ATRNL1: variants seen among roughly 807,000 people sequenced by gnomAD.
The protein encoded by ATRNL1 is attractin-like protein 1.
Under a neutral mutation model 182.7 loss-of-function variants are expected in ATRNL1, and 95 were observed. That is an observed-to-expected ratio of 0.52 (90% CI 0.44 to 0.62). ATRNL1 has a LOEUF of 0.62. ATRNL1 is among the 20% of genes least tolerant of loss of function. The pLI, the probability that ATRNL1 is intolerant of heterozygous loss-of-function variation, is 0.00. For missense variants in ATRNL1, 1,471 were observed against 1,679.5 expected, an observed-to-expected ratio of 0.88 and a Z score of 2.17; for synonymous variants, 576 against 568.3, an observed-to-expected ratio of 1.01 and a Z score of -0.19.
chr10:115,253,000 T>C (rs1850946623), intron 10 of ATRNL1, among the ~76,000 whole-genome samples: 1 of 152,218 alleles, frequency 6.6e-6, no homozygotes, highest in Admixed American at 6.5e-5. Flanking sequence ...TTTTCATTGC[T>C]AGCCTGGCAA....
intron 24 of ATRNL1, among the ~76,000 whole-genome samples, chr10:115,489,667 T>G (rs540125301): frequency 7.9e-5 from 12 of 152,330 alleles, no homozygotes; most frequent in African/African-American, 2.9e-4. Context: ...TGATGGGTCT[T>G]GACTCTATCC....
chr10:115,307,450 C>G (rs782576571), intron 17 of ATRNL1, among the ~76,000 whole-genome samples: 1 of 151,940 alleles, frequency 6.6e-6, no homozygotes, highest in South Asian at 2.1e-4. Context: ...TTAGTAGAGA[C>G]GGGGTTTCAC....
At chr10:115,330,114 T>C (rs532947026) in intron 18 of ATRNL1, among the ~76,000 whole-genome samples, 66 of 152,252 alleles carry the variant, frequency 4.3e-4, no homozygotes, top group African/African-American at 1.3e-3. Flanking sequence ...CTATTTTGAA[T>C]TGATAAGTTA....
At chr10:115,113,647 G>C (rs1320034850) in intron 1 of ATRNL1, among the ~76,000 whole-genome samples, 1 of 152,134 alleles carries the variant, frequency 6.6e-6, no homozygotes, top group Non-Finnish European at 1.5e-5. Context: ...GACATGACTT[G>C]CTCCTCCTTG....
At chr10:115,467,619 T>G (rs1848115301) in intron 23 of ATRNL1, among the ~76,000 whole-genome samples, 1 of 150,738 alleles carries the variant, frequency 6.6e-6, no homozygotes. Context: ...AACCTTAATA[T>G]TTATATAAAA....
At chr10:115,907,740 T>A (rs564285974) in intron 28 of ATRNL1, among the ~76,000 whole-genome samples, 76 of 151,926 alleles carry the variant, frequency 5.0e-4, no homozygotes, top group Middle Eastern at 6.8e-3. Flanking sequence ...TATAAAAAAA[T>A]TTTAAAATAT....
At chr10:115,706,468 G>C (rs1555053079) in intron 26 of ATRNL1, among the ~76,000 whole-genome samples, 2 of 151,776 alleles carry the variant, frequency 1.3e-5, no homozygotes, top group Non-Finnish European at 2.9e-5. Flanking sequence ...ATTAGGACCT[G>C]GAGATTTTTT....
intron 28 of ATRNL1, among the ~76,000 whole-genome samples, chr10:115,932,265 AGAGAATGT>A (rs1357230124): frequency 6.6e-6 from 1 of 152,226 alleles, no homozygotes; most frequent in Non-Finnish European, 1.5e-5. Context: ...GAATTACTGG[AGAGAATGT>A]GTACTATCAG....
At chr10:115,520,796 C>G (rs909267854) in intron 25 of ATRNL1, among the ~76,000 whole-genome samples, 2 of 152,108 alleles carry the variant, frequency 1.3e-5, no homozygotes, top group African/African-American at 4.8e-5. Flanking sequence ...TTACACATTC[C>G]TTGTTCATTT....
chr10:115,880,890 A>G (rs1157144477), intron 28 of ATRNL1, among the ~76,000 whole-genome samples: 2 of 152,232 alleles, frequency 1.3e-5, no homozygotes, highest in Non-Finnish European at 2.9e-5. Context: ...GGTAATCATA[A>G]GAGTTGTTTT....
intron 22 of ATRNL1, among the ~76,000 whole-genome samples, chr10:115,462,994 C>T (rs781795868): frequency 1.3e-4 from 19 of 151,736 alleles, no homozygotes; most frequent in Non-Finnish European, 2.7e-4. Context: ...TTAAAACTAA[C>T]ACTCATACAT....
At chr10:115,701,245 T>G (rs1946726237) in intron 26 of ATRNL1, among the ~76,000 whole-genome samples, 1 of 151,974 alleles carries the variant, frequency 6.6e-6, no homozygotes, top group Non-Finnish European at 1.5e-5. Flanking sequence ...AATCAAAAAA[T>G]TATTGGAAAT....
intron 27 of ATRNL1, among the ~76,000 whole-genome samples, chr10:115,759,434 T>G (rs868925284): frequency 6.6e-6 from 1 of 152,104 alleles, no homozygotes; most frequent in Middle Eastern, 3.2e-3. Context: ...ACACACTTGC[T>G]CCATTTGTGA....
At chr10:115,108,059 G>A (rs1844095091) in intron 1 of ATRNL1, among the ~76,000 whole-genome samples, 1 of 152,116 alleles carries the variant, frequency 6.6e-6, no homozygotes, top group Non-Finnish European at 1.5e-5. Context: ...CCTTATGCAA[G>A]GGTTCCTTGG....
At chr10:115,315,455 G>A (rs1048163786) in intron 17 of ATRNL1, 63 bp from the exon 18 acceptor site, 1 of 1,114,376 alleles carries the variant, frequency 9.0e-7, no homozygotes, top group Non-Finnish European at 1.3e-6. Flanking sequence ...TTTTTTATTA[G>A]CCTATAATTC....
intron 7 of ATRNL1, 85 bp from the exon 8 acceptor site, chr10:115,170,952 A>T (rs1380296382): frequency 3.6e-6 from 3 of 826,972 alleles, no homozygotes; most frequent in Non-Finnish European, 5.0e-6. Context: ...CTAAAATTTT[A>T]TGTAAATTTA....
At chr10:115,621,429 G>A (rs1565220986) in intron 26 of ATRNL1, among the ~76,000 whole-genome samples, 1 of 151,728 alleles carries the variant, frequency 6.6e-6, no homozygotes, top group Non-Finnish European at 1.5e-5. Context: ...AGCATGCTGA[G>A]TAACTGGGGC....
chr10:115,462,424 C>T (rs913683204), intron 22 of ATRNL1, among the ~76,000 whole-genome samples: 2 of 151,888 alleles, frequency 1.3e-5, no homozygotes, highest in Non-Finnish European at 2.9e-5. Context: ...CCATCCTGGC[C>T]AATGTGGTGA....
rs67676674 is a variant in ATRNL1, at chr10:115,868,822, C to CTTTTTTTTTTTTTT, written c.4018+20843_4018+20856dup. 6.6e-3 allele frequency among the ~76,000 whole-genome samples: 381 copies of CTTTTTTTTTTTTTT among 58,074 alleles called. 68 individuals carry two copies. Among genetic ancestry groups the CTTTTTTTTTTTTTT allele is most frequent in the South Asian group, 0.018 (14 of 778 alleles). 38.1% of individuals were successfully genotyped at this position (58,074 alleles called of 152,430 possible). ...ATATATCTGGTGGCAAGTCTTTATT[C>CTTTTTTTTTTTTTT]TTTTTTTTTTTTTTTTTTTTTTTTT... On this transcript the variant is annotated intron_variant, in intron 28 of 28. Coordinates refer to ENST00000355044, the MANE Select transcript of ATRNL1 (RefSeq NM_207303.4).
Sources: allele counts gnomAD v4.1 joint callset (sites outside exome capture counted in the v4.1 genomes callset), GRCh38; gene constraint gnomAD v4.1.1; transcripts MANE v1.5; gene names NCBI Gene and HGNC (gene_info 2026-07-23, HGNC 2026-07-21).